COL14A1: variants seen among roughly 807,000 people sequenced by gnomAD.
COL14A1 encodes the protein collagen alpha-1(XIV) chain.
Under a neutral mutation model 230.3 loss-of-function variants are expected in COL14A1, and 136 were observed. The ratio of observed to expected loss-of-function variants is 0.59; its 90% CI spans 0.51 to 0.68. The LOEUF (loss-of-function observed/expected upper bound fraction) is 0.68, where lower values mean the gene tolerates loss of function less well. COL14A1 is among the 30% of genes least tolerant of loss of function. The pLI is 0.00. For synonymous variants in COL14A1, 792 were observed against 784.1 expected, an observed-to-expected ratio of 1.01 and a Z score of -0.17; for missense variants, 1,976 against 2,215.8, an observed-to-expected ratio of 0.89 and a Z score of 2.17.
intron 34 of COL14A1, among the ~76,000 whole-genome samples, chr8:120,290,600 T>C (rs1820345262): frequency 6.6e-6 from 1 of 152,268 alleles, no homozygotes; most frequent in African/African-American, 2.4e-5. Flanking sequence ...TTCATAGATC[T>C]GTAGAATTAG....
Position 120,209,856 on chromosome 8 carries a change from C to T in COL14A1, c.1422C>T (p.Ile474=), listed in dbSNP as rs757662192. Reference sequence around the variant, plus strand: ...TGCCTGGGGCCTCAGGTTACCTGATCCTTTATGCTCCTCTAACAGAGGGCC... The same window carrying T: ...TGCCTGGGGCCTCAGGTTACCTGATTCTTTATGCTCCTCTAACAGAGGGCC... The part of the protein sequence containing the change: ...DAVPGASGYL[I]LYAPLTEGLA... Residue 474 remains isoleucine (I), a synonymous_variant, in exon 12 of 48, where the codon ATC becomes ATT. Transcript: ENST00000297848. The T allele has an allele frequency of 1.2e-6, 2 of 1,613,516 alleles. No individual in the cohort carries two copies. Among genetic ancestry groups the T allele is most frequent in the Non-Finnish European group, 1.7e-6 (2 of 1,179,770 alleles).
chr8:120,369,259 T>G, intron 46 of COL14A1, 71 bp from the exon 47 acceptor site: 1 of 1,427,502 alleles, frequency 7.0e-7, no homozygotes, highest in Non-Finnish European at 9.2e-7. Flanking sequence ...GTTAGTTTAC[T>G]TCTTGGTTGT....
At chr8:120,322,846 C>T (rs1041666989) in intron 40 of COL14A1, among the ~76,000 whole-genome samples, 1 of 152,082 alleles carries the variant, frequency 6.6e-6, no homozygotes, top group Non-Finnish European at 1.5e-5. Flanking sequence ...GTGAATAGTG[C>T]TGCAATGAAC....
In COL14A1 at chr8:120,369,456, C is replaced by T. The variant is rs769085373; in HGVS notation, c.5282C>T (p.Pro1761Leu). The T allele has an allele frequency of 1.2e-6, 2 of 1,606,568 alleles. No homozygotes were observed. Among genetic ancestry groups the T allele is most frequent in the Admixed American group, 1.7e-5 (1 of 58,864 alleles). ...TCTGGCCAGCCTGGATATTGTGACC[C>T]CTCATCATGTTCTGCCTATGGTGTG... ...GPSGQPGYCD[P>L]SSCSAYGVRA... The change falls in exon 47 of 48, where the codon CCC (proline) becomes CTC (leucine). Residue 1761 changes from proline (P) to leucine (L), a missense_variant. Physicochemically the swap from Pro to Leu is moderately conservative, Grantham distance 98. Transcript: ENST00000297848.
chr8:120,180,701 CT>C (rs34377563), intron 5 of COL14A1, among the ~76,000 whole-genome samples: 18,016 of 83,174 alleles, frequency 0.22, 516 homozygotes, highest in African/African-American at 0.38. Flanking sequence ...GGTAGGAAGC[CT>C]TTTTTTTTTT....
At chr8:120,339,356 T>C (rs1407431593) in intron 42 of COL14A1, among the ~76,000 whole-genome samples, 1 of 152,220 alleles carries the variant, frequency 6.6e-6, no homozygotes, top group Non-Finnish European at 1.5e-5. Context: ...CATTCAAACT[T>C]GAAGTGAAAT....
At position 120,207,167 on chromosome 8, in the gene COL14A1, A is replaced by T. The variant is rs749736315; in HGVS notation, c.1191+73A>T. The T allele has an allele frequency of 3.3e-5, 41 of 1,224,716 alleles. No individual in the cohort carries two copies. The South Asian group carries it at 6.0e-4, about 18-fold the overall frequency. The allele number at this position is 1,224,716 out of a possible 1,614,324, so 75.9% of individuals were successfully genotyped here. A position where few individuals can be genotyped will look rare whatever the true frequency, so the allele number is the denominator to read the frequency against. The stretch of plus-strand genomic sequence containing the variant: ...TCTTCTACAATAGTGAGAACAAGGC[A>T]GAAATATAAATATAAGATTATTCCG... On this transcript the variant is annotated intron_variant, in intron 10 of 47. Coordinates refer to ENST00000297848, the MANE Select transcript of COL14A1 (RefSeq NM_021110.4).
At chr8:120,162,152 G>A (rs868836004) in intron 3 of COL14A1, among the ~76,000 whole-genome samples, 6 of 152,058 alleles carry the variant, frequency 3.9e-5, no homozygotes, top group Non-Finnish European at 5.9e-5. Context: ...TGTAAAAAGG[G>A]TACAGCTAAA....
chr8:120,362,161 C>A lies in COL14A1; in HGVS notation c.5078-5010C>A, dbSNP rs191139712. On this transcript the variant is annotated intron_variant, in intron 45 of 47. Coordinates refer to ENST00000297848, the MANE Select transcript of COL14A1 (RefSeq NM_021110.4). ...AGAGGCAGGGAGTGCAGTGGTTGAG[C>A]ACAGAGGCTTCTGTGCCAATCTGCC... Among the ~76,000 whole-genome samples the A allele has an allele frequency of 4.6e-5, 7 of 152,280 alleles. No individual in the cohort carries two copies. In the East Asian group the frequency reaches 1.4e-3, roughly 29 times the overall value.
At chr8:120,182,555 T>C (rs1475929479) in intron 5 of COL14A1, among the ~76,000 whole-genome samples, 6 of 152,026 alleles carry the variant, frequency 3.9e-5, no homozygotes, top group Non-Finnish European at 8.8e-5. Flanking sequence ...TGAAAATAAA[T>C]GGGAATATAA....
At chr8:120,304,346 T>A (rs1270500402) in intron 36 of COL14A1, among the ~76,000 whole-genome samples, 1 of 152,182 alleles carries the variant, frequency 6.6e-6, no homozygotes, top group Non-Finnish European at 1.5e-5. Context: ...GGTTGTTAAT[T>A]TGAGATCCTT....
At chr8:120,138,503 C>T (rs985963130) in intron 1 of COL14A1, among the ~76,000 whole-genome samples, 6 of 152,116 alleles carry the variant, frequency 3.9e-5, no homozygotes, top group Non-Finnish European at 5.9e-5. Flanking sequence ...GCAGCTTTCC[C>T]CCTGATTTCT....
chr8:120,262,403 T>C (rs571830174), intron 23 of COL14A1, among the ~76,000 whole-genome samples: 144 of 151,268 alleles, frequency 9.5e-4, no homozygotes, highest in African/African-American at 3.4e-3. Context: ...AACCCGGGAG[T>C]AGAGGTTGCA....
chr8:120,230,129 T>C (rs373284616), intron 18 of COL14A1, among the ~76,000 whole-genome samples: 35 of 152,210 alleles, frequency 2.3e-4, no homozygotes, highest in African/African-American at 7.9e-4. Context: ...TGTTCCTTCA[T>C]CCTTGGCCTC....
chr8:120,299,194 G>A (rs1472093185), intron 35 of COL14A1, among the ~76,000 whole-genome samples: 1 of 151,774 alleles, frequency 6.6e-6, no homozygotes, highest in Non-Finnish European at 1.5e-5. Context: ...ATTTGGGTGG[G>A]GACACAGCCA....
chr8:120,203,659 T>C, intron 8 of COL14A1, 50 bp from the exon 9 acceptor site: 4 of 1,597,748 alleles, frequency 2.5e-6, no homozygotes, highest in Non-Finnish European at 3.4e-6. Context: ...CAGTCACTCT[T>C]TCCAAGGGGG....
chr8:120,258,464 ACCCC>A (rs1819225393), intron 23 of COL14A1, among the ~76,000 whole-genome samples: 3 of 151,978 alleles, frequency 2.0e-5, no homozygotes, highest in African/African-American at 7.2e-5. Context: ...GTTGCCTTCC[ACCCC>A]TGTATCTGGT....
chr8:120,187,350 C>CT (rs760919856), intron 5 of COL14A1, among the ~76,000 whole-genome samples: 6 of 152,072 alleles, frequency 3.9e-5, no homozygotes, highest in Non-Finnish European at 7.4e-5. Context: ...TTATAAAGCG[C>CT]TTTTTTGCAT....
At chr8:120,240,627 T>C (rs1231862521) in intron 19 of COL14A1, among the ~76,000 whole-genome samples, 3 of 152,182 alleles carry the variant, frequency 2.0e-5, no homozygotes, top group African/African-American at 7.2e-5. Context: ...TCAAGGCTGA[T>C]TAAATTTACA....
Sources: gnomAD v4.1 joint callset for allele counts (sites outside exome capture counted in the v4.1 genomes callset) on GRCh38, gnomAD v4.1.1 for gene constraint, MANE v1.5 for transcripts, NCBI Gene and HGNC (gene_info 2026-07-23, HGNC 2026-07-21) for gene names.